LPP: variants seen among roughly 807,000 people sequenced by gnomAD.
LPP encodes LIM domain containing preferred translocation partner in lipoma, also known as lipoma-preferred partner.
In LPP, 38 loss-of-function variants were observed where a neutral mutation model predicts 60.4. That is an observed-to-expected ratio of 0.63 (90% CI 0.49 to 0.83). The LOEUF (loss-of-function observed/expected upper bound fraction) is 0.83, where lower values mean the gene tolerates loss of function less well. Among genes scored for constraint, LPP ranks in the 40% least tolerant of loss-of-function variants. LPP has a pLI of 0.00. For synonymous variants in LPP, 328 were observed against 290.8 expected (o/e 1.13, Z -1.30); for missense variants, 902 against 783.6 (o/e 1.15, Z -1.80).
intron 8 of LPP, among the ~76,000 whole-genome samples, chr3:188,750,268 G>T (rs780470997): frequency 1.4e-4 from 21 of 152,138 alleles, no homozygotes; most frequent in Admixed American, 8.5e-4. Context: ...TCAAATCATA[G>T]CACACATCTT....
chr3:188,546,510 C>G (rs757728805), intron 6 of LPP, among the ~76,000 whole-genome samples: 4 of 152,034 alleles, frequency 2.6e-5, no homozygotes, highest in Non-Finnish European at 5.9e-5. Flanking sequence ...AAAGAAGCAA[C>G]GTAACATTTC....
intron 7 of LPP, among the ~76,000 whole-genome samples, chr3:188,650,326 T>C (rs571533252): frequency 4.3e-4 from 66 of 152,352 alleles, no homozygotes; most frequent in African/African-American, 1.5e-3. Flanking sequence ...TGAAAATGAT[T>C]TTTTTGTGAG....
chr3:188,262,090 G>A (rs2149694494), intron 2 of LPP, among the ~76,000 whole-genome samples: 1 of 152,282 alleles, frequency 6.6e-6, no homozygotes, highest in African/African-American at 2.4e-5. Flanking sequence ...ATGGGATTCG[G>A]CTCTCTCCCA....
chr3:188,690,972 C>A (rs766126187), intron 7 of LPP, among the ~76,000 whole-genome samples: 1 of 152,058 alleles, frequency 6.6e-6, no homozygotes, highest in Admixed American at 6.6e-5. Context: ...CCCTTTCTTT[C>A]TTCCTTTAAG....
chr3:188,237,778 G>A (rs1387382354), intron 2 of LPP, among the ~76,000 whole-genome samples: 1 of 152,080 alleles, frequency 6.6e-6, no homozygotes, highest in East Asian at 1.9e-4. Context: ...TAGAGCACAG[G>A]CAGAGTAGAT....
chr3:188,414,865 T>C (rs188106155), intron 4 of LPP, among the ~76,000 whole-genome samples: 2 of 152,298 alleles, frequency 1.3e-5, no homozygotes, highest in Admixed American at 1.3e-4. Context: ...GGATTCCTTC[T>C]CTGGTTGCCA....
chr3:188,724,821 T>C (rs559536988), intron 8 of LPP, among the ~76,000 whole-genome samples: 86 of 152,308 alleles, frequency 5.6e-4, no homozygotes, highest in Non-Finnish European at 1.0e-3. Context: ...TCTTCTAGTC[T>C]AGTGATGTGT....
chr3:188,734,444 C>T (rs1424377874), intron 8 of LPP, among the ~76,000 whole-genome samples: 1 of 152,156 alleles, frequency 6.6e-6, no homozygotes, highest in Admixed American at 6.6e-5. Flanking sequence ...ACACTAAATA[C>T]CCCCACTTAA....
chr3:188,495,397 C>A (rs1809898416), intron 5 of LPP, among the ~76,000 whole-genome samples: 1 of 151,282 alleles, frequency 6.6e-6, no homozygotes, highest in Non-Finnish European at 1.5e-5. Context: ...TATAATTTAA[C>A]TAATGAAATA....
At chr3:188,598,526 C>A (rs559421575) in intron 6 of LPP, among the ~76,000 whole-genome samples, 31 of 152,168 alleles carry the variant, frequency 2.0e-4, no homozygotes, top group African/African-American at 7.5e-4. Context: ...AAATTGTGAT[C>A]ACGTTTATAA....
In LPP at chr3:188,823,408, A is replaced by G. The variant is rs563856974; in HGVS notation, c.1411-42792A>G. Among the ~76,000 whole-genome samples, 3 of 152,308 alleles carry G rather than the reference A, an allele frequency of 2.0e-5. No individual in the cohort carries two copies. In the East Asian group the frequency reaches 5.8e-4, roughly 29 times the overall value. Reference sequence around the variant, plus strand: ...AAGAGAGTTCACCCTGGGATATTAAATAAAATGGAATTTGGATGGAAAGTT... The same window carrying G: ...AAGAGAGTTCACCCTGGGATATTAAGTAAAATGGAATTTGGATGGAAAGTT... On this transcript the variant is annotated intron_variant, in intron 9 of 11. Coordinates refer to ENST00000617246, the MANE Select transcript of LPP (RefSeq NM_001375462.1).
At chr3:188,841,237 G>T (rs187052575) in intron 9 of LPP, among the ~76,000 whole-genome samples, 4 of 152,270 alleles carry the variant, frequency 2.6e-5, no homozygotes, top group Admixed American at 2.6e-4. Flanking sequence ...TAGGAAGGTG[G>T]ATGTCTGAAG....
Position 188,607,382 on chromosome 3 carries a change from T to G in LPP, c.430-1779T>G, listed in dbSNP as rs1343432259. Reference sequence around the variant, plus strand: ...TTTGAAAATAGAAGATATATATATATATATATATATATATATATATATATA... The same window carrying G: ...TTTGAAAATAGAAGATATATATATAGATATATATATATATATATATATATA... On this transcript the variant is annotated intron_variant, in intron 6 of 11. Transcript: ENST00000617246. Among the ~76,000 whole-genome samples the G allele has an allele frequency of 6.9e-3, 119 of 17,358 alleles. 1 individual carries two copies. The highest frequency in any genetic ancestry group is 0.025 in the African/African-American group (110 of 4,334). 11.4% of individuals were successfully genotyped at this position (17,358 alleles called of 152,430 possible).
At chr3:188,711,313 A>G (rs2149733727) in intron 8 of LPP, 1 of 152,336 alleles carries the variant, frequency 6.6e-6, no homozygotes, top group African/African-American at 2.4e-5. Context: ...TCACTCTTAT[A>G]GGAAAACATA....
intron 9 of LPP, among the ~76,000 whole-genome samples, chr3:188,819,258 A>T (rs1019980913): frequency 2.0e-5 from 3 of 152,036 alleles, no homozygotes; most frequent in African/African-American, 7.2e-5. Flanking sequence ...CATCATCCAC[A>T]CTGTGAACAT....
chr3:188,637,167 C>T (rs534813939), intron 7 of LPP, among the ~76,000 whole-genome samples: 60 of 151,870 alleles, frequency 4.0e-4, no homozygotes, highest in African/African-American at 1.3e-3. Context: ...AACTATCTCT[C>T]AGACCACAGT....
chr3:188,372,226 C>T (rs1470068664), intron 3 of LPP, among the ~76,000 whole-genome samples: 1 of 151,994 alleles, frequency 6.6e-6, no homozygotes, highest in Non-Finnish European at 1.5e-5. Flanking sequence ...TTTTGTCCCC[C>T]TCTATAAATG....
At chr3:188,229,753 T>G (rs1045921079) in intron 2 of LPP, among the ~76,000 whole-genome samples, 3 of 152,246 alleles carry the variant, frequency 2.0e-5, no homozygotes, top group Non-Finnish European at 4.4e-5. Flanking sequence ...CACATTCTCC[T>G]ATTTCTTGGC....
At chr3:188,763,478 G>A (rs1014474266) in intron 9 of LPP, among the ~76,000 whole-genome samples, 2 of 151,972 alleles carry the variant, frequency 1.3e-5, no homozygotes, top group Non-Finnish European at 2.9e-5. Flanking sequence ...TGCAGCTTTG[G>A]TTCAATGATT....
Sources: gnomAD v4.1 joint callset for allele counts (sites outside exome capture counted in the v4.1 genomes callset) on GRCh38, gnomAD v4.1.1 for gene constraint, MANE v1.5 for transcripts, NCBI Gene and HGNC (gene_info 2026-07-23, HGNC 2026-07-21) for gene names.